RANBP17: variants seen among roughly 807,000 people sequenced by gnomAD.
RANBP17 encodes the protein ran-binding protein 17.
RANBP17 carries 158 observed loss-of-function variants against 141.2 expected under a neutral mutation model. The observed-to-expected ratio is 1.12, with a 90% confidence interval of 0.98 to 1.28. The LOEUF is 1.28. Among genes scored for constraint, RANBP17 ranks in the 50% most tolerant of loss-of-function variants. The pLI is 0.00. For missense variants in RANBP17, 1,438 were observed against 1,290.7 expected (o/e 1.11, Z -1.75); for synonymous variants, 430 against 450.0 (o/e 0.96, Z 0.56).
Position 170,928,357 on chromosome 5 carries a change from C to G in RANBP17, c.1468+3807C>G, listed in dbSNP as rs569806381. ...GTGAAAAGTTTTTAATTTTGATGGT[C>G]TACTTTTTCACTTTTTTCTTTATGG... On this transcript the variant is annotated intron_variant, in intron 12 of 27. Transcript: ENST00000523189. Among the ~76,000 whole-genome samples the G allele has an allele frequency of 2.0e-5, 3 of 152,068 alleles. No homozygotes were observed. The East Asian group carries it at 5.8e-4, about 29-fold the overall frequency.
At chr5:171,079,575 A>C (rs1261426879) in intron 14 of RANBP17, among the ~76,000 whole-genome samples, 1 of 152,236 alleles carries the variant, frequency 6.6e-6, no homozygotes, top group Non-Finnish European at 1.5e-5. Context: ...TAAGCCAACT[A>C]ACCTTCAGCC....
chr5:171,028,400 CTGT>C (rs998366942), intron 14 of RANBP17, among the ~76,000 whole-genome samples: 2 of 152,012 alleles, frequency 1.3e-5, no homozygotes, highest in Non-Finnish European at 2.9e-5. Flanking sequence ...ATATTAGGCA[CTGT>C]TGTTTGGAAT....
At chr5:170,897,604 C>A (rs1447210053) in intron 5 of RANBP17, among the ~76,000 whole-genome samples, 1 of 151,552 alleles carries the variant, frequency 6.6e-6, no homozygotes, top group Non-Finnish European at 1.5e-5. Context: ...TGTTTCTCTC[C>A]CCGTGTCCAT....
chr5:170,950,000 A>T (rs1229490830), intron 12 of RANBP17, among the ~76,000 whole-genome samples: 2 of 152,168 alleles, frequency 1.3e-5, no homozygotes, highest in South Asian at 4.1e-4. Flanking sequence ...TGGGGAAAGG[A>T]TACCCTCTTT....
rs1268313271 is a variant in RANBP17 at position 170,914,248 on chromosome 5, A to G, written c.834+8A>G. The G allele has an allele frequency of 3.2e-6, 5 of 1,555,988 alleles. No homozygotes were observed. The highest frequency in any genetic ancestry group is 4.4e-6 in the Non-Finnish European group (5 of 1,128,072). On this transcript the variant is annotated splice_region_variant and intron_variant, in intron 8 of 27. Transcript: ENST00000523189. ...CCACTACTATCTCAGTTAGTAAGTAAAAGTCATTCGTTATTTCGTTAAAAA... is the reference window on the plus strand; with the variant it reads ...CCACTACTATCTCAGTTAGTAAGTAGAAGTCATTCGTTATTTCGTTAAAAA...
Position 170,987,940 on chromosome 5 carries a change from AT to A in RANBP17, c.1710+19564del, listed in dbSNP as rs2127560443. Among the ~76,000 whole-genome samples the A allele has an allele frequency of 1.3e-5, 2 of 151,782 alleles. 1 individual carries two copies. The highest frequency in any genetic ancestry group is 4.8e-5 in the African/African-American group (2 of 41,502). On this transcript the variant is annotated intron_variant, in intron 14 of 27. Coordinates refer to ENST00000523189, the MANE Select transcript of RANBP17 (RefSeq NM_022897.5). ...AGCTGACTTTTACTATTTATTTATC[AT>A]ACCAAATATACCATTATTTGACATC...
intron 14 of RANBP17, among the ~76,000 whole-genome samples, chr5:170,984,858 A>AT (rs1367541461): frequency 6.6e-6 from 1 of 152,110 alleles, no homozygotes; most frequent in Non-Finnish European, 1.5e-5. Context: ...TTTAAGTATT[A>AT]TTTTTTATAT....
At chr5:171,168,259 A>C (rs1393173760) in intron 14 of RANBP17, among the ~76,000 whole-genome samples, 1 of 152,180 alleles carries the variant, frequency 6.6e-6, no homozygotes, top group Admixed American at 6.5e-5. Context: ...CCTTCAGAGG[A>C]GATGACTTTT....
rs1042588911 is a variant in RANBP17 at position 170,955,470 on chromosome 5, A to C, written c.1574+1768A>C. Reference sequence around the variant, plus strand: ...GAGCTCAGTATATATATATATCTATATATATATATATATATGCTCAGTGTG... The same window carrying C: ...GAGCTCAGTATATATATATATCTATCTATATATATATATATGCTCAGTGTG... On this transcript the variant is annotated intron_variant, in intron 13 of 27. Coordinates refer to ENST00000523189, the MANE Select transcript of RANBP17 (RefSeq NM_022897.5). Among the ~76,000 whole-genome samples the C allele has an allele frequency of 4.0e-3, 98 of 24,302 alleles. 1 individual carries two copies. Among genetic ancestry groups the C allele is most frequent in the Middle Eastern group, 0.1 (2 of 20 alleles). The allele number at this position is 24,302 out of a possible 152,430, so 15.9% of individuals were successfully genotyped here.
chr5:170,941,989 T>C (rs1375305077), intron 12 of RANBP17, among the ~76,000 whole-genome samples: 1 of 152,182 alleles, frequency 6.6e-6, no homozygotes, highest in Non-Finnish European at 1.5e-5. Context: ...GGAACTGGGT[T>C]GCACAGCAGG....
At chr5:170,907,520 G>A (rs555590248) in intron 5 of RANBP17, among the ~76,000 whole-genome samples, 1 of 151,876 alleles carries the variant, frequency 6.6e-6, no homozygotes, top group Non-Finnish European at 1.5e-5. Flanking sequence ...ATATTAACTT[G>A]CACAGGACTT....
At chr5:171,126,711 G>T (rs1756495714) in intron 14 of RANBP17, among the ~76,000 whole-genome samples, 1 of 151,972 alleles carries the variant, frequency 6.6e-6, no homozygotes, top group Non-Finnish European at 1.5e-5. Flanking sequence ...TAACAAAATT[G>T]GAAAGCCTAG....
chr5:171,242,450 G>A (rs1017385249), intron 23 of RANBP17, among the ~76,000 whole-genome samples: 1 of 152,164 alleles, frequency 6.6e-6, no homozygotes, highest in Non-Finnish European at 1.5e-5. Flanking sequence ...TCGTACTGCA[G>A]GGATTTTACT....
At chr5:171,139,683 G>A (rs188778212) in intron 14 of RANBP17, among the ~76,000 whole-genome samples, 6 of 152,142 alleles carry the variant, frequency 3.9e-5, no homozygotes, top group South Asian at 2.1e-4. Context: ...CCAAGCGACC[G>A]TCTCTTTTAC....
At chr5:171,059,390 A>G (rs1783648302) in intron 14 of RANBP17, among the ~76,000 whole-genome samples, 1 of 152,230 alleles carries the variant, frequency 6.6e-6, no homozygotes, top group Admixed American at 6.5e-5. Context: ...ATGGCTAGCC[A>G]GTTTTCCCAG....
At chr5:170,941,104 A>G (rs1260378500) in intron 12 of RANBP17, among the ~76,000 whole-genome samples, 3 of 152,182 alleles carry the variant, frequency 2.0e-5, no homozygotes, top group Admixed American at 1.3e-4. Flanking sequence ...GAATATAGTG[A>G]AAGACTTAAT....
At chr5:171,276,992 C>T (rs1005555896) in intron 25 of RANBP17, among the ~76,000 whole-genome samples, 2 of 145,124 alleles carry the variant, frequency 1.4e-5, no homozygotes, top group Admixed American at 6.9e-5. Flanking sequence ...CTAACCCCAA[C>T]TCTGGGAAGC....
intron 14 of RANBP17, among the ~76,000 whole-genome samples, chr5:171,129,866 C>G (rs752898269): frequency 6.6e-5 from 10 of 152,086 alleles, no homozygotes; most frequent in African/African-American, 9.7e-5. Flanking sequence ...GATAGGCCCC[C>G]AGAAGTGAGT....
intron 22 of RANBP17, among the ~76,000 whole-genome samples, chr5:171,223,431 C>T (rs563279878): frequency 6.6e-6 from 1 of 152,102 alleles, no homozygotes; most frequent in African/African-American, 2.4e-5. Flanking sequence ...GCCAGGAGTT[C>T]GAGACCATCC....
Sources: allele counts gnomAD v4.1 joint callset (sites outside exome capture counted in the v4.1 genomes callset), GRCh38; gene constraint gnomAD v4.1.1; transcripts MANE v1.5; gene names NCBI Gene and HGNC (gene_info 2026-07-23, HGNC 2026-07-21).